Variants in USP12 observed in about 807,000 individuals in gnomAD.
USP12 encodes ubiquitin specific peptidase 12, also known as ubiquitin carboxyl-terminal hydrolase 12.
USP12 carries 19 observed loss-of-function variants against 45.5 expected under a neutral mutation model. That is an observed-to-expected ratio of 0.42 (90% CI 0.29 to 0.61). USP12 has a LOEUF of 0.61. Ranked by LOEUF, USP12 falls within the 20% of genes least tolerant of loss-of-function variation. The pLI is 0.22. For synonymous variants in USP12, 149 were observed against 148.8 expected, an observed-to-expected ratio of 1.00 and a Z score of -0.01; for missense variants, 242 against 447.7, an observed-to-expected ratio of 0.54 and a Z score of 4.15.
rs373323137 is a variant in USP12 at position 27,157,066 on chromosome 13, T to A, written c.48+14526A>T. 2.0e-5 allele frequency among the ~76,000 whole-genome samples: 3 copies of A among 152,338 alleles called. No individual in the cohort carries two copies. The East Asian group carries it at 5.8e-4, about 29-fold the overall frequency. Reference sequence around the variant, plus strand: ...TCCATCTCATAGATTTCACAGTTTTTGTTTGGAAAAAATGAACTAATAATA... The same window carrying A: ...TCCATCTCATAGATTTCACAGTTTTAGTTTGGAAAAAATGAACTAATAATA... On this transcript the variant is annotated intron_variant, in intron 1 of 8. Coordinates refer to ENST00000282344, the MANE Select transcript of USP12 (RefSeq NM_182488.4).
intron 1 of USP12, among the ~76,000 whole-genome samples, chr13:27,162,109 G>A (rs956480267): frequency 4.6e-5 from 7 of 152,116 alleles, no homozygotes; most frequent in African/African-American, 1.7e-4. Context: ...CCTTAAGAGG[G>A]CATGGAGTCT....
chr13:27,137,919 G>A lies in USP12; in HGVS notation c.49-21323C>T, dbSNP rs1025218567. On this transcript the variant is annotated intron_variant, in intron 1 of 8. Transcript: ENST00000282344. ...GGAGAGGGCCACATGGCGAGGAACCGTAGGCGGCCTCTCAGCACTGAGGGC... is the reference window on the plus strand; with the variant it reads ...GGAGAGGGCCACATGGCGAGGAACCATAGGCGGCCTCTCAGCACTGAGGGC... 3.9e-5 allele frequency among the ~76,000 whole-genome samples: 6 copies of A among 152,246 alleles called. No individual in the cohort carries two copies. The South Asian group carries it at 6.2e-4, about 16-fold the overall frequency.
intron 1 of USP12, among the ~76,000 whole-genome samples, chr13:27,144,696 A>G (rs953905158): frequency 2.0e-5 from 3 of 151,696 alleles, no homozygotes; most frequent in Non-Finnish European, 4.4e-5. Context: ...GTTCAAAAAA[A>G]CAAAACAGAA....
chr13:27,086,037 G>A (rs1257026225), intron 6 of USP12, among the ~76,000 whole-genome samples: 1 of 151,286 alleles, frequency 6.6e-6, no homozygotes, highest in African/African-American at 2.4e-5. Flanking sequence ...AGGCACGGTG[G>A]CACACATCTG....
chr13:27,134,236 TA>T lies in USP12; in HGVS notation c.49-17641del, dbSNP rs1431673019. On this transcript the variant is annotated intron_variant, in intron 1 of 8. Transcript: ENST00000282344. Reference sequence around the variant, plus strand: ...AAAGAAGCTCTCTCTATAGGGTTACTAACAACTTATAGGACAGAATTTGGAG... The same window carrying T: ...AAAGAAGCTCTCTCTATAGGGTTACTACAACTTATAGGACAGAATTTGGAG... Among the ~76,000 whole-genome samples, 12 of 152,344 alleles carry T rather than the reference TA, an allele frequency of 7.9e-5. 1 individual carries two copies. Among genetic ancestry groups the T allele is most frequent in the African/African-American group, 2.6e-4 (11 of 41,584 alleles).
intron 1 of USP12, among the ~76,000 whole-genome samples, chr13:27,122,519 G>C (rs1011227613): frequency 6.6e-6 from 1 of 152,120 alleles, no homozygotes; most frequent in East Asian, 1.9e-4. Flanking sequence ...AGGCATGGTG[G>C]CATGCACCTG....
At chr13:27,149,507 A>T (rs954119519) in intron 1 of USP12, among the ~76,000 whole-genome samples, 1 of 152,258 alleles carries the variant, frequency 6.6e-6, no homozygotes, top group African/African-American at 2.4e-5. Flanking sequence ...AATTACTACT[A>T]GAATAAACGA....
chr13:27,086,163 T>C (rs1477593302), intron 6 of USP12, among the ~76,000 whole-genome samples: 1 of 100,250 alleles, frequency 1.0e-5, no homozygotes, highest in Non-Finnish European at 2.0e-5. Context: ...GAGAGAGATC[T>C]TTTGTCTCTT....
intron 1 of USP12, 43 bp downstream of exon 1, chr13:27,171,549 G>T (rs748037842): frequency 8.7e-7 from 1 of 1,150,730 alleles, no homozygotes; most frequent in Non-Finnish European, 1.1e-6. Context: ...CCGCCCGCCC[G>T]AGAGGTCCCG....
At chr13:27,107,170 C>CA (rs1482762942) in intron 2 of USP12, among the ~76,000 whole-genome samples, 4 of 152,034 alleles carry the variant, frequency 2.6e-5, no homozygotes, top group Non-Finnish European at 5.9e-5. Context: ...ACTAAAAATA[C>CA]AAAAATTAGC....
intron 1 of USP12, among the ~76,000 whole-genome samples, chr13:27,142,901 T>C (rs1050138340): frequency 1.3e-4 from 20 of 152,180 alleles, no homozygotes; most frequent in Admixed American, 3.9e-4. Flanking sequence ...GAGACCATCC[T>C]GGCCGACATG....
At chr13:27,120,282 C>T (rs1208220058) in intron 1 of USP12, among the ~76,000 whole-genome samples, 1 of 152,078 alleles carries the variant, frequency 6.6e-6, no homozygotes, top group Non-Finnish European at 1.5e-5. Flanking sequence ...GAAGTACGAC[C>T]CTATCAAAAC....
intron 1 of USP12, among the ~76,000 whole-genome samples, chr13:27,157,977 T>TG (rs1224975073): frequency 1.3e-5 from 2 of 152,248 alleles, no homozygotes; most frequent in African/African-American, 4.8e-5. Context: ...ACTTAATGAA[T>TG]ATTCCTTGAC....
rs188770138 is a variant in USP12, at chr13:27,123,317, C to G, written c.49-6721G>C. 3.0e-3 allele frequency among the ~76,000 whole-genome samples: 451 copies of G among 152,262 alleles called. 2 individuals carry two copies. The highest frequency in any genetic ancestry group is 0.011 in the African/African-American group (437 of 41,542). ...TAAAACTTCTGTCTATAGTACCTTC[C>G]ATCCCCACATTTTTAGCAACATATG... On this transcript the variant is annotated intron_variant, in intron 1 of 8. Coordinates refer to ENST00000282344, the MANE Select transcript of USP12 (RefSeq NM_182488.4).
chr13:27,108,956 A>ATG (rs541238759), intron 2 of USP12, among the ~76,000 whole-genome samples: 284 of 151,776 alleles, frequency 1.9e-3, no homozygotes, highest in African/African-American at 4.6e-3. Flanking sequence ...AAAGATACAT[A>ATG]TGTGTGTGTG....
Position 27,067,958 on chromosome 13 carries a change from TTA to T in USP12, c.*1323_*1324del, listed in dbSNP as rs1184486532. 38 of 152,166 alleles carry T rather than the reference TTA, an allele frequency of 2.5e-4. No homozygotes were observed. Among genetic ancestry groups the T allele is most frequent in the African/African-American group, 8.9e-4 (37 of 41,434 alleles). 9.4% of individuals were successfully genotyped at this position (152,166 alleles called of 1,614,324 possible). On this transcript the variant is annotated 3_prime_UTR_variant, in exon 9 of 9. Coordinates refer to ENST00000282344, the MANE Select transcript of USP12 (RefSeq NM_182488.4). ...TTAAAACCCCCAACAGAATGAAGTC[TTA>T]GCAAACACAGATTTTAATTTCTGAA...
intron 1 of USP12, among the ~76,000 whole-genome samples, chr13:27,135,335 C>T (rs903928647): frequency 1.3e-5 from 2 of 152,172 alleles, no homozygotes; most frequent in African/African-American, 2.4e-5. Context: ...AAATCTCTAT[C>T]GTAACAACAT....
intron 1 of USP12, among the ~76,000 whole-genome samples, chr13:27,161,399 C>A (rs1199303415): frequency 1.3e-5 from 2 of 152,202 alleles, no homozygotes; most frequent in Non-Finnish European, 2.9e-5. Context: ...CTTACCCCTA[C>A]AACTTAAGTA....
chr13:27,071,284 A>T (rs1292564549), intron 7 of USP12, 135 bp from the exon 8 acceptor site: 7 of 675,952 alleles, frequency 1.0e-5, no homozygotes, highest in Non-Finnish European at 1.7e-5. Context: ...TATACCCCTT[A>T]CCTATTCTTG....
Sources: allele counts gnomAD v4.1 joint callset (sites outside exome capture counted in the v4.1 genomes callset), GRCh38; gene constraint gnomAD v4.1.1; transcripts MANE v1.5; gene names NCBI Gene and HGNC (gene_info 2026-07-23, HGNC 2026-07-21).